Variants in NIPAL2 observed in about 807,000 individuals in gnomAD.
The protein encoded by NIPAL2 is NIPA-like protein 2.
NIPAL2 carries 43 observed loss-of-function variants against 48.9 expected under a neutral mutation model. The observed-to-expected ratio is 0.88, with a 90% confidence interval of 0.69 to 1.13. The LOEUF (loss-of-function observed/expected upper bound fraction) is 1.13. Among genes scored for constraint, NIPAL2 ranks in the 50% most tolerant of loss-of-function variants. The pLI is 0.00. For missense variants in NIPAL2, 446 were observed against 461.4 expected, an observed-to-expected ratio of 0.97 and a Z score of 0.31; for synonymous variants, 167 against 174.6, an observed-to-expected ratio of 0.96 and a Z score of 0.34.
At chr8:98,226,876 G>C (rs528923102) in intron 4 of NIPAL2, among the ~76,000 whole-genome samples, 1 of 152,328 alleles carries the variant, frequency 6.6e-6, no homozygotes, top group South Asian at 2.1e-4. Context: ...TAGGCCCTGG[G>C]TGGGTCCAGA....
At chr8:98,269,647 T>G (rs1815005419) in intron 1 of NIPAL2, among the ~76,000 whole-genome samples, 1 of 152,166 alleles carries the variant, frequency 6.6e-6, no homozygotes, top group South Asian at 2.1e-4. Context: ...TTTTTGGTTA[T>G]TGTTTTTGTT....
At position 98,266,202 on chromosome 8, in the gene NIPAL2, C is replaced by T. The variant is rs539207512; in HGVS notation, c.136-12115G>A. Among the ~76,000 whole-genome samples the T allele has an allele frequency of 3.0e-3, 444 of 148,714 alleles. 2 individuals carry two copies. Among genetic ancestry groups the T allele is most frequent in the African/African-American group, 0.01 (414 of 40,282 alleles). ...ATGCTAGATGGCAACTTAGTGGGTGCAGTGCACCAGCATGGCACATGTATA... is the reference window on the plus strand; with the variant it reads ...ATGCTAGATGGCAACTTAGTGGGTGTAGTGCACCAGCATGGCACATGTATA... On this transcript the variant is annotated intron_variant, in intron 1 of 10. Transcript: ENST00000430223.
At chr8:98,243,988 C>G (rs1813132011) in intron 3 of NIPAL2, among the ~76,000 whole-genome samples, 1 of 152,106 alleles carries the variant, frequency 6.6e-6, no homozygotes, top group Non-Finnish European at 1.5e-5. Flanking sequence ...ATTTTGTTCA[C>G]TTTGTTTATT....
chr8:98,224,535 C>G (rs891705556), intron 4 of NIPAL2, among the ~76,000 whole-genome samples: 8 of 151,992 alleles, frequency 5.3e-5, no homozygotes, highest in Admixed American at 6.6e-5. Flanking sequence ...TGTTTCACAT[C>G]CTGACATATC....
rs552672372 is a variant in NIPAL2, at chr8:98,203,221, G to A, written c.792-25C>T. ...CCTAGGGCAGAAGGCACTTACTGGA[G>A]CTTTGGCTTTAGGAGACATTCAGCA... On this transcript the variant is annotated intron_variant, in intron 7 of 10. Transcript: ENST00000430223. The A allele has an allele frequency of 1.5e-5, 24 of 1,563,048 alleles. No individual in the cohort carries two copies. In the South Asian group the frequency reaches 2.6e-4, roughly 17 times the overall value.
chr8:98,220,677 G>A (rs1811809356), intron 5 of NIPAL2, among the ~76,000 whole-genome samples: 1 of 151,986 alleles, frequency 6.6e-6, no homozygotes, highest in Non-Finnish European at 1.5e-5. Context: ...CTGAAGTGTT[G>A]GGTAACAGAT....
chr8:98,277,889 G>T (rs374540463), intron 1 of NIPAL2, among the ~76,000 whole-genome samples: 127 of 152,168 alleles, frequency 8.3e-4, no homozygotes, highest in African/African-American at 2.9e-3. Flanking sequence ...TAGATATTTG[G>T]GTTGTTTTCA....
At chr8:98,209,589 G>A (rs941079352) in intron 6 of NIPAL2, among the ~76,000 whole-genome samples, 1 of 152,094 alleles carries the variant, frequency 6.6e-6, no homozygotes, top group African/African-American at 2.4e-5. Context: ...CTATACTCCA[G>A]ACTGGGTGAC....
At chr8:98,195,660 G>C (rs765619992) in intron 9 of NIPAL2, 48 of 303,424 alleles carry the variant, frequency 1.6e-4, no homozygotes, top group Non-Finnish European at 2.7e-4. Context: ...AGTACAGAAA[G>C]GTCGTGCAGT....
intron 3 of NIPAL2, among the ~76,000 whole-genome samples, chr8:98,248,174 T>G (rs1411419197): frequency 2.0e-5 from 3 of 152,194 alleles, no homozygotes; most frequent in Non-Finnish European, 2.9e-5. Context: ...TAATTGCTAC[T>G]TAATTAGATG....
chr8:98,282,163 A>G (rs1815871763), intron 1 of NIPAL2, among the ~76,000 whole-genome samples: 1 of 152,174 alleles, frequency 6.6e-6, no homozygotes, highest in African/African-American at 2.4e-5. Flanking sequence ...GGGTGAGTGC[A>G]TTCCGGCAAA....
chr8:98,221,537 C>T (rs966140129), intron 5 of NIPAL2, among the ~76,000 whole-genome samples: 6 of 151,964 alleles, frequency 3.9e-5, no homozygotes, highest in Non-Finnish European at 2.9e-5. Flanking sequence ...TTGTCTACAT[C>T]TATCAAGTTT....
intron 2 of NIPAL2, 45 bp downstream of exon 2, chr8:98,253,974 C>T (rs374882957): frequency 2.8e-5 from 38 of 1,361,950 alleles, no homozygotes; most frequent in East Asian, 2.3e-5. Context: ...CATAATGTGT[C>T]CCTGGATCAA....
At chr8:98,217,873 C>T (rs1202983160) in intron 5 of NIPAL2, among the ~76,000 whole-genome samples, 3 of 151,980 alleles carry the variant, frequency 2.0e-5, no homozygotes, top group African/African-American at 4.8e-5. Context: ...TGGGTTTCTC[C>T]CAGAACTGTA....
chr8:98,230,149 A>G (rs1812367031), intron 4 of NIPAL2, among the ~76,000 whole-genome samples: 1 of 152,218 alleles, frequency 6.6e-6, no homozygotes, highest in Non-Finnish European at 1.5e-5. Flanking sequence ...AATTAAGGCC[A>G]CTGAATGGAC....
chr8:98,193,508 G>A, intron 10 of NIPAL2: 1 of 1,243,166 alleles, frequency 8.0e-7, no homozygotes, highest in Non-Finnish European at 1.2e-6. Flanking sequence ...TGAGCTTTGT[G>A]AAATAAAAAA....
rs190623222 is a variant in NIPAL2 at position 98,229,826 on chromosome 8, G to A, written c.436+6329C>T. On this transcript the variant is annotated intron_variant, in intron 4 of 10. Coordinates refer to ENST00000430223, the MANE Select transcript of NIPAL2 (RefSeq NM_001321635.2). ...GTAATAACTAATACTTGTAAGCACA[G>A]TTCTAAATGCTTTATACATAACTAA... is the stretch of plus-strand genomic sequence containing the variant. 3.6e-4 allele frequency among the ~76,000 whole-genome samples: 55 copies of A among 152,254 alleles called. No homozygotes were observed. In the East Asian group the frequency reaches 8.3e-3, roughly 23 times the overall value.
At chr8:98,210,231 G>T (rs545522602) in intron 6 of NIPAL2, among the ~76,000 whole-genome samples, 2 of 151,624 alleles carry the variant, frequency 1.3e-5, no homozygotes, top group African/African-American at 4.8e-5. Flanking sequence ...ATGCTTAATT[G>T]ACTTACATTT....
chr8:98,272,597 G>T (rs1387470090), intron 1 of NIPAL2, among the ~76,000 whole-genome samples: 1 of 151,628 alleles, frequency 6.6e-6, no homozygotes, highest in African/African-American at 2.4e-5. Flanking sequence ...TTTAGAAAAA[G>T]CATCATAGTG....
Sources: allele counts gnomAD v4.1 joint callset (sites outside exome capture counted in the v4.1 genomes callset), GRCh38; gene constraint gnomAD v4.1.1; transcripts MANE v1.5; gene names NCBI Gene and HGNC (gene_info 2026-07-23, HGNC 2026-07-21).